Variants in ADGRV1 observed in about 807,000 individuals in gnomAD.
The protein encoded by ADGRV1 is adhesion G protein-coupled receptor V1, also known as G-protein coupled receptor 98.
ADGRV1 carries 359 observed loss-of-function variants against 596.2 expected under a neutral mutation model. The ratio of observed to expected loss-of-function variants is 0.60; its 90% CI spans 0.55 to 0.66. The LOEUF (loss-of-function observed/expected upper bound fraction) is 0.66, where lower values mean the gene tolerates loss of function less well. ADGRV1 is among the 30% of genes least tolerant of loss of function. ADGRV1 has a pLI of 0.00. For missense variants in ADGRV1, 7,274 were observed against 7,575.6 expected, an observed-to-expected ratio of 0.96 and a Z score of 1.48; for synonymous variants, 2,681 against 2,679.2, an observed-to-expected ratio of 1.00 and a Z score of -0.02.
chr5:90,749,840 G>T (rs1440626333), intron 52 of ADGRV1, among the ~76,000 whole-genome samples: 1 of 152,132 alleles, frequency 6.6e-6, no homozygotes, highest in African/African-American at 2.4e-5. Context: ...AAAGAAAGAG[G>T]CTAGGAAGCA....
At chr5:91,074,900 G>A (rs1350334054) in intron 86 of ADGRV1, among the ~76,000 whole-genome samples, 1 of 152,038 alleles carries the variant, frequency 6.6e-6, no homozygotes, top group East Asian at 1.9e-4. Flanking sequence ...ATCTCATTGT[G>A]GTTTTGATTT....
Position 90,806,425 on chromosome 5 carries a change from A to G in ADGRV1, c.14836+967A>G, listed in dbSNP as rs553848388. ...TTCCTTTTGGCATGTCCCCTAAGTT[A>G]AAGATATTTAATTATTTTTTCCTGT... On this transcript the variant is annotated intron_variant, in intron 72 of 89. Coordinates refer to ENST00000405460, the MANE Select transcript of ADGRV1 (RefSeq NM_032119.4). Among the ~76,000 whole-genome samples, 21 of 152,278 alleles carry G rather than the reference A, an allele frequency of 1.4e-4. 1 individual carries two copies. In the South Asian group the frequency reaches 4.4e-3, roughly 32 times the overall value.
In ADGRV1 at chr5:90,729,065, TATTA is replaced by T. The variant is rs527703074; in HGVS notation, c.10426+136_10426+139del. 340 of 644,064 alleles carry T rather than the reference TATTA, an allele frequency of 5.3e-4. 1 individual carries two copies. The highest frequency in any genetic ancestry group is 5.1e-3 in the African/African-American group (277 of 54,288). The allele number at this position is 644,064 out of a possible 1,614,324, so 39.9% of individuals were successfully genotyped here. ...CATAGAATATTTCTTGATAGATAAG[TATTA>T]ATTGTCAGCTGTAAATGGATTTTTG... On this transcript the variant is annotated intron_variant, in intron 49 of 89. Coordinates refer to ENST00000405460, the MANE Select transcript of ADGRV1 (RefSeq NM_032119.4).
chr5:90,862,365 C>T (rs994048540), intron 82 of ADGRV1, among the ~76,000 whole-genome samples: 5 of 151,972 alleles, frequency 3.3e-5, no homozygotes, highest in Non-Finnish European at 7.4e-5. Context: ...CTCACACACA[C>T]ACACACACAC....
In ADGRV1 at chr5:90,759,511, G is replaced by A; in HGVS notation, c.12043G>A (p.Gly4015Ser). 1 of 1,612,918 alleles carries A rather than the reference G, an allele frequency of 6.2e-7. No individual in the cohort carries two copies. Among genetic ancestry groups the A allele is most frequent in the Non-Finnish European group, 8.5e-7 (1 of 1,179,196 alleles). Residue 4015 changes from glycine to serine, a missense_variant, in exon 58 of 90, where the codon GGT becomes AGT. Around this residue, in one of 5 missense-constraint regions of ADGRV1, gnomAD observed 3,643 missense variants for 3,809.2 expected, o/e 0.96. Coordinates refer to ENST00000405460, the MANE Select transcript of ADGRV1 (RefSeq NM_032119.4). The stretch of plus-strand genomic sequence containing the variant: ...CAGTGTTGCTGGAGGTGGCAGACTT[G>A]GTGATGATGTTGTGGTAACTGTTGT... ...LISVAGGGRLGDDVVVTVVIP... is the reference protein window; with the variant it reads ...LISVAGGGRLSDDVVVTVVIP...
chr5:90,635,927 C>T (rs902875734), intron 10 of ADGRV1, among the ~76,000 whole-genome samples: 2 of 149,998 alleles, frequency 1.3e-5, no homozygotes, highest in Non-Finnish European at 3.0e-5. Flanking sequence ...TCTTAATGGC[C>T]AAGACATGGT....
intron 1 of ADGRV1, among the ~76,000 whole-genome samples, chr5:90,595,880 C>T (rs550705906): frequency 1.2e-4 from 18 of 147,400 alleles, no homozygotes; most frequent in Middle Eastern, 3.6e-3. Flanking sequence ...GCTGGCCTGG[C>T]GGGGGGCTGA....
At chr5:90,733,330 A>G (rs1752791878) in intron 50 of ADGRV1, among the ~76,000 whole-genome samples, 1 of 152,178 alleles carries the variant, frequency 6.6e-6, no homozygotes, top group South Asian at 2.1e-4. Flanking sequence ...TTAGTTTGAG[A>G]TAATATAGAA....
At chr5:90,680,509 TA>T (rs773552237) in intron 26 of ADGRV1, among the ~76,000 whole-genome samples, 2 of 152,220 alleles carry the variant, frequency 1.3e-5, no homozygotes, top group Admixed American at 6.5e-5. Flanking sequence ...TTACCTCAAA[TA>T]TTTTTTTCAT....
chr5:90,680,935 T>G (rs1744849296), intron 26 of ADGRV1, among the ~76,000 whole-genome samples: 1 of 152,198 alleles, frequency 6.6e-6, no homozygotes, highest in Non-Finnish European at 1.5e-5. Context: ...GGGAAACTAC[T>G]TATTATTTCA....
intron 85 of ADGRV1, among the ~76,000 whole-genome samples, chr5:91,012,305 TCCCC>T: frequency 6.6e-6 from 1 of 152,060 alleles, no homozygotes; most frequent in South Asian, 2.1e-4. Context: ...TTGTTATTAT[TCCCC>T]ATTGAACAAC....
At chr5:90,708,715 C>A in intron 38 of ADGRV1, 101 bp from the exon 39 acceptor site, 1 of 626,282 alleles carries the variant, frequency 1.6e-6, no homozygotes, top group South Asian at 3.1e-5. Flanking sequence ...ATTTTTGTAT[C>A]TTCTGTATAC....
chr5:90,925,765 G>A (rs1774373356), intron 83 of ADGRV1, among the ~76,000 whole-genome samples: 1 of 134,934 alleles, frequency 7.4e-6, no homozygotes, highest in Non-Finnish European at 1.6e-5. Context: ...ATTGGCTGTG[G>A]GTTTGTCATA....
chr5:90,624,867 GT>G (rs1164996478), intron 5 of ADGRV1, among the ~76,000 whole-genome samples: 59 of 128,096 alleles, frequency 4.6e-4, no homozygotes, highest in Non-Finnish European at 6.2e-4. Flanking sequence ...TATTTGTAGA[GT>G]TTTTTTTTTC....
chr5:90,784,181 T>G, intron 67 of ADGRV1, 124 bp downstream of exon 67: 1 of 669,176 alleles, frequency 1.5e-6, no homozygotes, highest in Non-Finnish European at 2.5e-6. Flanking sequence ...AATTATCTTG[T>G]ATGTGTACAG....
At position 90,657,942 on chromosome 5, in the gene ADGRV1, CAATG is replaced by C. The variant is rs1213720111; in HGVS notation, c.4418_4421del (p.Asn1473ThrfsTer6). 6.2e-7 allele frequency: 1 copy of C among 1,612,928 alleles called. No individual in the cohort carries two copies. Among genetic ancestry groups the C allele is most frequent in the Non-Finnish European group, 8.5e-7 (1 of 1,179,216 alleles). ...TGAGAATTGGAGCAGGGATAAATGG[CAATG>C]ACAGATTTACAGGTCTGATGCAGGA... On this transcript the variant is annotated frameshift_variant, in exon 21 of 90. Coordinates refer to ENST00000405460, the MANE Select transcript of ADGRV1 (RefSeq NM_032119.4). LOFTEE classifies it high-confidence loss of function.
chr5:90,659,286 C>G (rs1411803750), intron 21 of ADGRV1, among the ~76,000 whole-genome samples: 3 of 152,134 alleles, frequency 2.0e-5, no homozygotes, highest in Non-Finnish European at 4.4e-5. Flanking sequence ...ATTCAGCTAT[C>G]AAAGAACTTC....
At chr5:90,890,838 T>G (rs1370033826) in intron 83 of ADGRV1, among the ~76,000 whole-genome samples, 1 of 152,144 alleles carries the variant, frequency 6.6e-6, no homozygotes, top group East Asian at 1.9e-4. Flanking sequence ...CTTCAACACT[T>G]CGTGTCATCA....
At chr5:91,160,149 A>G (rs1242756533) in intron 89 of ADGRV1, among the ~76,000 whole-genome samples, 1 of 152,218 alleles carries the variant, frequency 6.6e-6, no homozygotes, top group East Asian at 1.9e-4. Flanking sequence ...TTAGAAGAAA[A>G]TAGATGACAA....
Sources: gnomAD v4.1 joint callset for allele counts (sites outside exome capture counted in the v4.1 genomes callset) on GRCh38, gnomAD v4.1.1 for gene constraint, gnomAD v4.1.1 regional missense constraint, MANE v1.5 for transcripts, NCBI Gene and HGNC (gene_info 2026-07-23, HGNC 2026-07-21) for gene names.